Variants in ALG6 observed in about 807,000 individuals in gnomAD.
ALG6 encodes the protein dolichyl pyrophosphate Man9GlcNAc2 alpha-1,3-glucosyltransferase.
ALG6 carries 46 observed loss-of-function variants against 66.6 expected under a neutral mutation model. The ratio of observed to expected loss-of-function variants is 0.69; its 90% CI spans 0.55 to 0.88. The LOEUF (loss-of-function observed/expected upper bound fraction) is 0.88. ALG6 is among the 40% of genes least tolerant of loss of function. The pLI is 0.00. For synonymous variants in ALG6, 185 were observed against 203.7 expected, an observed-to-expected ratio of 0.91 and a Z score of 0.78; for missense variants, 505 against 586.8, an observed-to-expected ratio of 0.86 and a Z score of 1.44.
At chr1:63,403,146 A>G (rs973861903) in intron 4 of ALG6, among the ~76,000 whole-genome samples, 11 of 150,610 alleles carry the variant, frequency 7.3e-5, no homozygotes, top group African/African-American at 1.9e-4. Flanking sequence ...GAACATTTCT[A>G]TAATTTTTTT....
chr1:63,392,243 T>G (rs986061200), intron 2 of ALG6, among the ~76,000 whole-genome samples: 2 of 152,050 alleles, frequency 1.3e-5, no homozygotes, highest in Non-Finnish European at 2.9e-5. Context: ...TGATCTCGGC[T>G]CACTGCAACC....
At chr1:63,426,113 T>C (rs1644613867) in intron 12 of ALG6, among the ~76,000 whole-genome samples, 1 of 152,098 alleles carries the variant, frequency 6.6e-6, no homozygotes, top group Non-Finnish European at 1.5e-5. Flanking sequence ...AGAGTGATAG[T>C]GAGAAAGGAG....
chr1:63,429,850 A>AGT (rs60383332), intron 14 of ALG6: 27,698 of 144,096 alleles, frequency 0.19, 2,502 homozygotes, highest in East Asian at 0.24. Flanking sequence ...TCTTTCACTT[A>AGT]GTGTGTGTGT....
At chr1:63,374,228 G>A (rs1263329859) in intron 2 of ALG6, among the ~76,000 whole-genome samples, 1 of 152,190 alleles carries the variant, frequency 6.6e-6, no homozygotes, top group African/African-American at 2.4e-5. Context: ...TGTAGCAGTT[G>A]ACTTGGGCTC....
Position 63,380,440 on chromosome 1 carries a change from T to A in ALG6, c.82+9381T>A, listed in dbSNP as rs553720357. Among the ~76,000 whole-genome samples, 105 of 149,188 alleles carry A rather than the reference T, an allele frequency of 7.0e-4. 1 individual carries two copies. Among genetic ancestry groups the A allele is most frequent in the African/African-American group, 2.7e-3 (104 of 38,688 alleles). Reference sequence around the variant, plus strand: ...GAAGTTGTTACATAAAATATGTAACTTATAATATTACTTTTAGTCCATAAT... The same window carrying A: ...GAAGTTGTTACATAAAATATGTAACATATAATATTACTTTTAGTCCATAAT... On this transcript the variant is annotated intron_variant, in intron 2 of 14. Transcript: ENST00000263440.
At chr1:63,417,380 GT>G (rs1350313553) in intron 11 of ALG6, among the ~76,000 whole-genome samples, 2 of 152,118 alleles carry the variant, frequency 1.3e-5, no homozygotes, top group African/African-American at 4.8e-5. Context: ...CTTTTTCTTA[GT>G]TTTGTAATTT....
chr1:63,407,713 A>G (rs1644495576), intron 7 of ALG6, among the ~76,000 whole-genome samples: 1 of 152,010 alleles, frequency 6.6e-6, no homozygotes, highest in Non-Finnish European at 1.5e-5. Context: ...ACCTGTCTCC[A>G]TCTCTCTTAA....
chr1:63,411,136 A>G lies in ALG6; in HGVS notation c.495-10A>G. 6.2e-7 allele frequency: 1 copy of G among 1,613,232 alleles called. No homozygotes were observed. Among genetic ancestry groups the G allele is most frequent in the Non-Finnish European group, 8.5e-7 (1 of 1,179,618 alleles). The stretch of plus-strand genomic sequence containing the variant: ...AGATTATTGAGATAATTTCCTTGAC[A>G]CAGGAACATATATAATTCTGTGAGT... On this transcript the variant is annotated splice_polypyrimidine_tract_variant and intron_variant, in intron 7 of 14. Coordinates refer to ENST00000263440, the MANE Select transcript of ALG6 (RefSeq NM_013339.4).
chr1:63,411,085 C>CT, intron 7 of ALG6, 61 bp from the exon 8 acceptor site: 1 of 1,576,990 alleles, frequency 6.3e-7, no homozygotes, highest in Non-Finnish European at 8.7e-7. Context: ...GTGTGATTTG[C>CT]TTTTTAAAAG....
chr1:63,380,346 G>A (rs1344766557), intron 2 of ALG6, among the ~76,000 whole-genome samples: 2 of 152,188 alleles, frequency 1.3e-5, no homozygotes, highest in East Asian at 1.9e-4. Context: ...ACGTTTGTTC[G>A]TGAACGGAAG....
At chr1:63,434,584 A>G (rs1462121649) in intron 14 of ALG6, among the ~76,000 whole-genome samples, 6 of 147,034 alleles carry the variant, frequency 4.1e-5, no homozygotes, top group African/African-American at 1.5e-4. Context: ...ACAAATTCAT[A>G]AACTTCTTAA....
intron 2 of ALG6, among the ~76,000 whole-genome samples, chr1:63,395,411 A>G (rs1648792484): frequency 6.6e-6 from 1 of 152,120 alleles, no homozygotes; most frequent in South Asian, 2.1e-4. Context: ...AGTCCTTTGT[A>G]ATGGCTGGGC....
intron 12 of ALG6, among the ~76,000 whole-genome samples, chr1:63,420,922 T>C (rs527572520): frequency 1.3e-5 from 2 of 152,144 alleles, no homozygotes; most frequent in South Asian, 4.1e-4. Context: ...ATCATATCAT[T>C]AAACAAATAT....
At chr1:63,377,277 C>CTGTTG (rs1648164773) in intron 2 of ALG6, among the ~76,000 whole-genome samples, 1 of 152,168 alleles carries the variant, frequency 6.6e-6, no homozygotes, top group Admixed American at 6.5e-5. Context: ...TTTCATATCA[C>CTGTTG]TGTTGCTTCC....
At chr1:63,405,960 A>G (rs1338412577) in intron 5 of ALG6, among the ~76,000 whole-genome samples, 2 of 152,032 alleles carry the variant, frequency 1.3e-5, no homozygotes, top group African/African-American at 2.4e-5. Context: ...ACACATCACT[A>G]CATTTCAGTT....
intron 12 of ALG6, among the ~76,000 whole-genome samples, chr1:63,425,418 A>C (rs1160322433): frequency 6.6e-6 from 1 of 152,126 alleles, no homozygotes; most frequent in East Asian, 1.9e-4. Flanking sequence ...GATGCTGGGA[A>C]GGGAGTAAAT....
intron 3 of ALG6, among the ~76,000 whole-genome samples, chr1:63,400,327 ATATATATACG>A (rs1294592446): frequency 0.045 from 1,562 of 34,914 alleles, 471 homozygotes; most frequent in South Asian, 0.18. Context: ...ATACGTATAT[ATATATATACG>A]TATATATATA....
In ALG6 at chr1:63,411,227, A is replaced by G. The variant is rs1421405856; in HGVS notation, c.576A>G (p.Ala192=). 1 of 1,613,920 alleles carries G rather than the reference A, an allele frequency of 6.2e-7. No individual in the cohort carries two copies. ...SCDCDLLGSL[A]FCLAINYKQM... ...ACTGCGACCTCCTAGGGTCACTGGC[A>G]TTTTGCTTAGCTATAAATTATAAAC... Residue 192 remains alanine (A), a synonymous_variant, in exon 8 of 15, where the codon GCA becomes GCG. Coordinates refer to ENST00000263440, the MANE Select transcript of ALG6 (RefSeq NM_013339.4).
intron 12 of ALG6, among the ~76,000 whole-genome samples, chr1:63,420,442 C>T (rs1644567587): frequency 6.6e-6 from 1 of 152,176 alleles, no homozygotes; most frequent in South Asian, 2.1e-4. Context: ...GACCTATAAT[C>T]TGACCAGATT....
Sources: gnomAD v4.1 joint callset for allele counts (sites outside exome capture counted in the v4.1 genomes callset) on GRCh38, gnomAD v4.1.1 for gene constraint, MANE v1.5 for transcripts, NCBI Gene and HGNC (gene_info 2026-07-23, HGNC 2026-07-21) for gene names.